The following CRPPA variants were observed in gnomAD, a reference collection of about 807,000 sequenced individuals.
CRPPA encodes D-ribitol-5-phosphate cytidylyltransferase.
CRPPA carries 43 observed loss-of-function variants against 52.0 expected under a neutral mutation model. The observed-to-expected ratio is 0.83, with a 90% confidence interval of 0.65 to 1.07. The LOEUF (loss-of-function observed/expected upper bound fraction) is 1.07, where lower values mean the gene tolerates loss of function less well. Ranked by LOEUF, CRPPA falls within the 50% of genes least tolerant of loss-of-function variation. The probability of loss-of-function intolerance (pLI) is 0.00; values close to 1 mark genes in which losing one functional copy is unlikely to be tolerated. For synonymous variants in CRPPA, 250 were observed against 203.5 expected (o/e 1.23, Z -1.94); for missense variants, 629 against 551.7 (o/e 1.14, Z -1.40).
chr7:16,223,759 A>T (rs1782580366), intron 8 of CRPPA, among the ~76,000 whole-genome samples: 2 of 152,162 alleles, frequency 1.3e-5, no homozygotes, highest in South Asian at 4.1e-4. Flanking sequence ...GAGAAATGTA[A>T]ATGTTTTTGC....
chr7:16,089,644 T>TC lies in CRPPA; in HGVS notation c.*2050dup, dbSNP rs1282749485. The TC allele has an allele frequency of 5.0e-6, 1 of 201,890 alleles. No individual in the cohort carries two copies. Among genetic ancestry groups the TC allele is most frequent in the South Asian group, 6.6e-5 (1 of 15,124 alleles). 12.5% of individuals were successfully genotyped at this position (201,890 alleles called of 1,614,324 possible). ...GTATATGTATGTATGTATTTTTTTTTCCCAATGCTGTGAATTGCTTTGCCT... is the reference window on the plus strand; with the variant it reads ...GTATATGTATGTATGTATTTTTTTTTCCCCAATGCTGTGAATTGCTTTGCCT... On this transcript the variant is annotated 3_prime_UTR_variant, in exon 10 of 10. Coordinates refer to ENST00000407010, the MANE Select transcript of CRPPA (RefSeq NM_001101426.4).
chr7:16,171,808 A>T (rs1268390112), intron 9 of CRPPA, among the ~76,000 whole-genome samples: 1 of 151,930 alleles, frequency 6.6e-6, no homozygotes, highest in Non-Finnish European at 1.5e-5. Context: ...AAGTAAATAA[A>T]TAAAATAAAA....
At chr7:16,092,879 T>C (rs1781864044) in intron 9 of CRPPA, among the ~76,000 whole-genome samples, 1 of 152,156 alleles carries the variant, frequency 6.6e-6, no homozygotes, top group African/African-American at 2.4e-5. Flanking sequence ...CTGCTTAAGA[T>C]TGTCCAAACA....
intron 2 of CRPPA, among the ~76,000 whole-genome samples, chr7:16,397,720 C>T (rs1178353072): frequency 6.6e-6 from 1 of 152,130 alleles, no homozygotes. Flanking sequence ...ATGCGACCAA[C>T]GTTTGAGACA....
chr7:16,406,888 C>T (rs1327660645), intron 1 of CRPPA, among the ~76,000 whole-genome samples: 1 of 152,064 alleles, frequency 6.6e-6, no homozygotes, highest in Non-Finnish European at 1.5e-5. Flanking sequence ...AATATTGTAG[C>T]AATAAGGTTT....
At chr7:16,402,687 A>G (rs1787849419) in intron 2 of CRPPA, among the ~76,000 whole-genome samples, 1 of 139,674 alleles carries the variant, frequency 7.2e-6, no homozygotes, top group Middle Eastern at 3.6e-3. Flanking sequence ...TAAACAGGAT[A>G]TTAGACAGAG....
At chr7:16,267,157 A>G (rs1783977721) in intron 6 of CRPPA, among the ~76,000 whole-genome samples, 1 of 152,232 alleles carries the variant, frequency 6.6e-6, no homozygotes, top group Non-Finnish European at 1.5e-5. Context: ...ATGGATTAAT[A>G]TAATTTCATT....
At chr7:16,209,589 T>C (rs1782076780) in intron 9 of CRPPA, among the ~76,000 whole-genome samples, 1 of 152,110 alleles carries the variant, frequency 6.6e-6, no homozygotes, top group South Asian at 2.1e-4. Flanking sequence ...TCATCTTTTG[T>C]TTTATTATGA....
chr7:16,418,690 T>A (rs1031737274), intron 1 of CRPPA, among the ~76,000 whole-genome samples: 1 of 151,982 alleles, frequency 6.6e-6, no homozygotes, highest in African/African-American at 2.4e-5. Context: ...GGGGAAACAA[T>A]CCCCATGATT....
chr7:16,216,096 C>A lies in CRPPA; in HGVS notation c.1221G>T (p.Leu407Phe). 1 of 1,600,508 alleles carries A rather than the reference C, an allele frequency of 6.2e-7. No individual in the cohort carries two copies. Among genetic ancestry groups the A allele is most frequent in the Admixed American group, 1.7e-5 (1 of 58,518 alleles). The change falls in exon 9 of 10, where the codon TTG becomes TTT. Residue 407 changes from leucine to phenylalanine, a missense_variant. Coordinates refer to ENST00000407010, the MANE Select transcript of CRPPA (RefSeq NM_001101426.4). ...FAKEVKERNI[L>F]LYGLLISYPQ... ...GGTAAGATATGAGAAGCCCATATAA[C>A]AAAATATTTCTTTCTTTTACTTCCT...
chr7:16,123,781 C>T (rs943012881), intron 9 of CRPPA, among the ~76,000 whole-genome samples: 1 of 152,108 alleles, frequency 6.6e-6, no homozygotes. Context: ...TTTAGAAAAA[C>T]AGCTAAACAA....
intron 9 of CRPPA, among the ~76,000 whole-genome samples, chr7:16,104,725 C>T (rs1320159452): frequency 6.6e-6 from 1 of 151,940 alleles, no homozygotes; most frequent in Non-Finnish European, 1.5e-5. Context: ...ATGATGAAAT[C>T]CCATCTCTAC....
At chr7:16,112,960 G>T (rs1245390011) in intron 9 of CRPPA, among the ~76,000 whole-genome samples, 1 of 151,866 alleles carries the variant, frequency 6.6e-6, no homozygotes, top group Non-Finnish European at 1.5e-5. Flanking sequence ...AAAAATCTAT[G>T]AAAAACAGAC....
chr7:16,275,071 G>A (rs763926235), intron 6 of CRPPA, among the ~76,000 whole-genome samples: 4 of 151,758 alleles, frequency 2.6e-5, no homozygotes, highest in Non-Finnish European at 5.9e-5. Flanking sequence ...GTGAGACAGT[G>A]TCTAAAAAAA....
intron 3 of CRPPA, among the ~76,000 whole-genome samples, chr7:16,344,314 C>T (rs1006674814): frequency 3.4e-5 from 5 of 149,104 alleles, no homozygotes; most frequent in African/African-American, 9.9e-5. Context: ...ATCTGTAATC[C>T]CAGGGCTTGG....
At chr7:16,167,874 C>T (rs540189459) in intron 9 of CRPPA, among the ~76,000 whole-genome samples, 24 of 152,314 alleles carry the variant, frequency 1.6e-4, no homozygotes, top group Middle Eastern at 3.4e-3. Context: ...ATCTAATGAA[C>T]TTCTTTCCTA....
intron 3 of CRPPA, among the ~76,000 whole-genome samples, chr7:16,342,134 TAATC>T (rs975893334): frequency 3.3e-5 from 5 of 152,208 alleles, no homozygotes; most frequent in Non-Finnish European, 7.3e-5. Flanking sequence ...TAGGTATTAA[TAATC>T]AACCCATATT....
chr7:16,291,735 G>A (rs1219976228), intron 5 of CRPPA, among the ~76,000 whole-genome samples: 2 of 151,638 alleles, frequency 1.3e-5, no homozygotes, highest in Non-Finnish European at 3.0e-5. Context: ...AAGAGAGGAC[G>A]TGAAATGTCC....
intron 9 of CRPPA, among the ~76,000 whole-genome samples, chr7:16,195,650 G>A (rs1327209039): frequency 2.6e-5 from 4 of 152,134 alleles, no homozygotes; most frequent in African/African-American, 9.7e-5. Flanking sequence ...GGGCCAGGCT[G>A]TGGCTGCTCC....
Sources: gnomAD v4.1 joint callset for allele counts (sites outside exome capture counted in the v4.1 genomes callset) on GRCh38, gnomAD v4.1.1 for gene constraint, MANE v1.5 for transcripts, NCBI Gene and HGNC (gene_info 2026-07-23, HGNC 2026-07-21) for gene names.